KNDC1: variants seen among roughly 807,000 people sequenced by gnomAD.
KNDC1 encodes the protein kinase non-catalytic C-lobe domain-containing protein 1.
In KNDC1, 106 loss-of-function variants were observed where a neutral mutation model predicts 172.8. The observed-to-expected ratio is 0.61, with a 90% CI of 0.52 to 0.72. The LOEUF (loss-of-function observed/expected upper bound fraction) is 0.72. Ranked by LOEUF, KNDC1 falls within the 30% of genes least tolerant of loss-of-function variation. KNDC1 has a pLI of 0.00. For synonymous variants in KNDC1, 1,083 were observed against 1,062.2 expected (o/e 1.02, Z -0.38); for missense variants, 2,325 against 2,394.5 (o/e 0.97, Z 0.61).
Position 133,160,541 on chromosome 10 carries a change from A to C in KNDC1, c.74A>C (p.Glu25Ala), listed in dbSNP as rs1024274429. 8 of 1,585,086 alleles carry C rather than the reference A, an allele frequency of 5.0e-6. No individual in the cohort carries two copies. Among genetic ancestry groups the C allele is most frequent in the Non-Finnish European group, 6.9e-6 (8 of 1,167,596 alleles). Reference sequence around the variant, plus strand: ...AAAGACCTGGACTTCTACGACTTCGAGCCGCTGCCCACCCTCCCCGAGGAC... The same window carrying C: ...AAAGACCTGGACTTCTACGACTTCGCGCCGCTGCCCACCCTCCCCGAGGAC... ...DGKDLDFYDF[E>A]PLPTLPEDEE... is the part of the protein sequence containing the mutation. Residue 25 changes from glutamate to alanine, a missense_variant, in exon 1 of 30, where the codon GAG becomes GCG. Glu to Ala is a moderately radical substitution (Grantham distance 107). Transcript: ENST00000304613.
intron 26 of KNDC1, among the ~76,000 whole-genome samples, chr10:133,217,757 G>A (rs182001759): frequency 2.3e-4 from 35 of 151,936 alleles, no homozygotes; most frequent in Admixed American, 1.1e-3. Flanking sequence ...AGGAGTTCGA[G>A]ACCTGCCTGG....
rs760510911 is a variant in KNDC1, at chr10:133,199,143, G to C, written c.2635G>C (p.Val879Leu). ...AGACCGGAGGCTCTGTCTGCCCTGCGTGGATGCCTCGCCACTCCCAGGGAG... is the reference window on the plus strand; with the variant it reads ...AGACCGGAGGCTCTGTCTGCCCTGCCTGGATGCCTCGCCACTCCCAGGGAG... ...PADRRLCLPC[V>L]DASPLPGRTA... The change falls in exon 14 of 30, where the codon GTG (valine) becomes CTG (leucine). Residue 879 changes from valine to leucine, a missense_variant. Coordinates refer to ENST00000304613, the MANE Select transcript of KNDC1 (RefSeq NM_152643.8). The C allele has an allele frequency of 2.4e-5, 39 of 1,595,488 alleles. No homozygotes were observed. The highest frequency in any genetic ancestry group is 3.0e-5 in the Non-Finnish European group (35 of 1,172,832).
chr10:133,168,366 C>T (rs1179225837), intron 3 of KNDC1, 54 bp downstream of exon 3: 14 of 1,542,366 alleles, frequency 9.1e-6, no homozygotes, highest in South Asian at 2.2e-5. Flanking sequence ...CTATGGTGGC[C>T]TCTGCCATTA....
intron 3 of KNDC1, among the ~76,000 whole-genome samples, chr10:133,178,408 G>A (rs999899799): frequency 6.6e-6 from 1 of 152,094 alleles, no homozygotes; most frequent in African/African-American, 2.4e-5. Context: ...CAGCATATGC[G>A]AAGCTACATT....
intron 3 of KNDC1, among the ~76,000 whole-genome samples, chr10:133,179,792 G>A (rs970059517): frequency 9.9e-5 from 15 of 152,214 alleles, no homozygotes; most frequent in Non-Finnish European, 1.5e-4. Flanking sequence ...AAGCTGCAAC[G>A]TCCACCTCCT....
intron 3 of KNDC1, among the ~76,000 whole-genome samples, chr10:133,171,168 A>G (rs1237557048): frequency 6.6e-6 from 1 of 151,904 alleles, no homozygotes; most frequent in African/African-American, 2.4e-5. Flanking sequence ...AAGTTACTTT[A>G]ACGTTGTAAA....
At chr10:133,170,065 C>T (rs532430222) in intron 3 of KNDC1, among the ~76,000 whole-genome samples, 2 of 152,354 alleles carry the variant, frequency 1.3e-5, no homozygotes, top group East Asian at 3.9e-4. Context: ...ACTTCATCTG[C>T]AGAGCACTGT....
At position 133,186,382 on chromosome 10, in the gene KNDC1, T is replaced by G. The variant is rs2135979321; in HGVS notation, c.1034T>G (p.Phe345Cys). The change falls in exon 6 of 30, where the codon TTT becomes TGT. Residue 345 changes from phenylalanine to cysteine, a missense_variant. By Grantham distance (205) the Phe-to-Cys change is radical (BLOSUM62 -2). Transcript: ENST00000304613. Reference sequence around the variant, plus strand: ...TTCTCTCCGGACCCCAGGAAGGCCTTTCTGGACAGGAAAAATGGCCTTTCT... The same window carrying G: ...TTCTCTCCGGACCCCAGGAAGGCCTGTCTGGACAGGAAAAATGGCCTTTCT... ...ELFSPDPRKAFLDRKNGLSSF... is the reference protein window; with the variant it reads ...ELFSPDPRKACLDRKNGLSSF... 1 of 1,612,744 alleles carries G rather than the reference T, an allele frequency of 6.2e-7. No homozygotes were observed. Among genetic ancestry groups the G allele is most frequent in the East Asian group, 2.2e-5 (1 of 44,874 alleles).
chr10:133,217,661 A>C (rs1364623047), intron 26 of KNDC1, among the ~76,000 whole-genome samples: 1 of 152,038 alleles, frequency 6.6e-6, no homozygotes, highest in East Asian at 1.9e-4. Flanking sequence ...TGACATGGTG[A>C]AACCCCATCT....
Position 133,210,590 on chromosome 10 carries a change from GCCGC to G in KNDC1, c.3795-14_3795-11del. On this transcript the variant is annotated splice_polypyrimidine_tract_variant and intron_variant, in intron 20 of 29. Coordinates refer to ENST00000304613, the MANE Select transcript of KNDC1 (RefSeq NM_152643.8). ...GGTGCGGCCACCCCACCACCTCACC[GCCGC>G]CCGCCCCGCCCCACAGTGATGCCTT... 1 of 1,076,848 alleles carries G rather than the reference GCCGC, an allele frequency of 9.3e-7. No individual in the cohort carries two copies. Among genetic ancestry groups the G allele is most frequent in the Non-Finnish European group, 1.4e-6 (1 of 710,968 alleles). 66.7% of individuals were successfully genotyped at this position (1,076,848 alleles called of 1,614,324 possible). A position where few individuals can be genotyped will look rare whatever the true frequency, so the allele number is the denominator to read the frequency against.
Position 133,214,024 on chromosome 10 carries a change from A to G in KNDC1, c.4579A>G (p.Asn1527Asp). 3 of 1,614,162 alleles carry G rather than the reference A, an allele frequency of 1.9e-6. No homozygotes were observed. The highest frequency in any genetic ancestry group is 2.5e-6 in the Non-Finnish European group (3 of 1,179,990). The change falls in exon 26 of 30, where the codon AAT (asparagine) becomes GAT (aspartate). Residue 1527 changes from asparagine (N) to aspartate (D), a missense_variant. Physicochemically the swap from Asn to Asp is conservative, Grantham distance 23. Transcript: ENST00000304613. The part of the protein sequence containing the change: ...SAKTCSLFLP[N>D]YVQDKYLLQL... ...CAAAACCTGCAGCTTATTTCTGCCCAATTACGTTCAGGACAAGTATCTGTT... is the reference window on the plus strand; with the variant it reads ...CAAAACCTGCAGCTTATTTCTGCCCGATTACGTTCAGGACAAGTATCTGTT...
intron 3 of KNDC1, among the ~76,000 whole-genome samples, chr10:133,176,962 A>AGGGCCAGAATTCAGATGGCAGAG: frequency 6.6e-6 from 1 of 152,368 alleles, no homozygotes; most frequent in East Asian, 1.9e-4. Context: ...AGGCCATGGC[A>AGGGCCAGAATTCAGATGGCAGAG]GGGCCAGAAT....
Position 133,212,880 on chromosome 10 carries a change from C to T in KNDC1, c.4401C>T (p.Tyr1467=). 1 of 1,613,698 alleles carries T rather than the reference C, an allele frequency of 6.2e-7. No individual in the cohort carries two copies. Among genetic ancestry groups the T allele is most frequent in the Non-Finnish European group, 8.5e-7 (1 of 1,179,832 alleles). The part of the protein sequence containing the change: ...SEKGPYFLTE[Y]STHQLFSQLT... ...AGGGGCCCTACTTCCTGACGGAGTACAGCACTCACCAGCTCTTCAGCCAGC... is the reference window on the plus strand; with the variant it reads ...AGGGGCCCTACTTCCTGACGGAGTATAGCACTCACCAGCTCTTCAGCCAGC... The change falls in exon 24 of 30, where the codon TAC becomes TAT. Residue 1467 remains tyrosine, a synonymous_variant. Transcript: ENST00000304613.
At chr10:133,213,534 G>T in intron 24 of KNDC1, 111 bp from the exon 25 acceptor site, 1 of 857,062 alleles carries the variant, frequency 1.2e-6, no homozygotes, top group Non-Finnish European at 1.9e-6. Flanking sequence ...ATTGAACCTG[G>T]GATTGCAGAG....
At chr10:133,202,645 GA>G (rs1854406525) in intron 17 of KNDC1, 1 of 456,686 alleles carries the variant, frequency 2.2e-6, no homozygotes, top group East Asian at 6.9e-5. Context: ...CTGGGCATCG[GA>G]GCCCTTCCTG....
rs1364529354 is a variant in KNDC1, at chr10:133,209,672, A to T, written c.3795-939A>T. Among the ~76,000 whole-genome samples, 3 of 152,034 alleles carry T rather than the reference A, an allele frequency of 2.0e-5. No individual in the cohort carries two copies. In the East Asian group the frequency reaches 5.8e-4, roughly 29 times the overall value. ...ATGGAAGGAGCGTCTCCTGGCCGTG[A>T]TGTGGTCACGAGGGGCTTCCCCGCT... On this transcript the variant is annotated intron_variant, in intron 20 of 29. Transcript: ENST00000304613. This position sits in a 1 kb window ranked among gnomAD's most constrained non-coding sequence, Gnocchi z 4.9.
At chr10:133,174,799 G>A (rs1853479895) in intron 3 of KNDC1, among the ~76,000 whole-genome samples, 2 of 151,500 alleles carry the variant, frequency 1.3e-5, no homozygotes, top group African/African-American at 2.4e-5. Flanking sequence ...GGACGAATGG[G>A]CGGATGGGTG....
In KNDC1 at chr10:133,198,561, C is replaced by T. The variant is rs374113507; in HGVS notation, c.2070-17C>T. ...CCGGGCGCAGGCAGCCCCTCCTGAG[C>T]TCTGCTCCTCCCGTAGGGACCAGCC... On this transcript the variant is annotated splice_polypyrimidine_tract_variant and intron_variant, in intron 13 of 29. Transcript: ENST00000304613. 1 of 1,579,966 alleles carries T rather than the reference C, an allele frequency of 6.3e-7. No homozygotes were observed. Among genetic ancestry groups the T allele is most frequent in the Non-Finnish European group, 8.6e-7 (1 of 1,160,200 alleles).
chr10:133,166,658 CG>C (rs1435427703), intron 1 of KNDC1, among the ~76,000 whole-genome samples: 1 of 151,694 alleles, frequency 6.6e-6, no homozygotes, highest in Non-Finnish European at 1.5e-5. Context: ...CCTGTGTTGG[CG>C]TGTGTCCATG....
Sources: allele counts gnomAD v4.1 joint callset (sites outside exome capture counted in the v4.1 genomes callset), GRCh38; gene constraint gnomAD v4.1.1; non-coding constraint Gnocchi (gnomAD v3.1); transcripts MANE v1.5; gene names NCBI Gene and HGNC (gene_info 2026-07-23, HGNC 2026-07-21).